Variants in SKAP1 observed in about 807,000 individuals in gnomAD.
The protein encoded by SKAP1 is src kinase associated phosphoprotein 1, also known as src kinase-associated phosphoprotein 1.
Under a neutral mutation model 58.5 loss-of-function variants are expected in SKAP1, and 44 were observed. That is an observed-to-expected ratio of 0.75 (90% CI 0.59 to 0.97). SKAP1 has a LOEUF of 0.97. Ranked by LOEUF, SKAP1 falls within the 50% of genes least tolerant of loss-of-function variation. The pLI, the probability that SKAP1 is intolerant of heterozygous loss-of-function variation, is 0.00. For missense variants in SKAP1, 390 were observed against 435.2 expected (o/e 0.90, Z 0.92); for synonymous variants, 127 against 149.7 (o/e 0.85, Z 1.11).
chr17:48,263,923 G>A (rs894126696), intron 4 of SKAP1, among the ~76,000 whole-genome samples: 1 of 152,142 alleles, frequency 6.6e-6, no homozygotes, highest in African/African-American at 2.4e-5. Flanking sequence ...AGAAAGGAGA[G>A]CAAACGAGAG....
At chr17:48,318,933 C>T (rs578205631) in intron 4 of SKAP1, among the ~76,000 whole-genome samples, 2 of 152,182 alleles carry the variant, frequency 1.3e-5, no homozygotes, top group East Asian at 1.9e-4. Flanking sequence ...TTCAAAGGCT[C>T]GAGAATTCCC....
At chr17:48,197,525 C>A (rs1476697218) in intron 4 of SKAP1, among the ~76,000 whole-genome samples, 1 of 151,836 alleles carries the variant, frequency 6.6e-6, no homozygotes, top group African/African-American at 2.4e-5. Context: ...TCCGTCTCTA[C>A]CAAAAACAAA....
intron 1 of SKAP1, among the ~76,000 whole-genome samples, chr17:48,412,096 AC>A (rs1368800782): frequency 7.2e-5 from 11 of 152,220 alleles, no homozygotes; most frequent in African/African-American, 2.7e-4. Flanking sequence ...GGAACTCTGT[AC>A]TATCTGCTTA....
intron 10 of SKAP1, among the ~76,000 whole-genome samples, chr17:48,167,525 TA>T (rs969202016): frequency 1.3e-5 from 2 of 152,216 alleles, no homozygotes; most frequent in African/African-American, 2.4e-5. Flanking sequence ...TGGCGCGCAC[TA>T]AAGTGAGAAG....
intron 1 of SKAP1, among the ~76,000 whole-genome samples, chr17:48,403,446 T>C (rs1446695504): frequency 6.6e-6 from 1 of 151,640 alleles, no homozygotes; most frequent in Non-Finnish European, 1.5e-5. Context: ...TATATATATG[T>C]ATCAGTGTGT....
chr17:48,286,935 A>G (rs143208120), intron 4 of SKAP1, among the ~76,000 whole-genome samples: 1 of 152,230 alleles, frequency 6.6e-6, no homozygotes, highest in African/African-American at 2.4e-5. Flanking sequence ...GTCTCTACTA[A>G]TAACACAAAA....
At chr17:48,401,407 T>C (rs965612289) in intron 1 of SKAP1, among the ~76,000 whole-genome samples, 1 of 151,926 alleles carries the variant, frequency 6.6e-6, no homozygotes, top group Non-Finnish European at 1.5e-5. Context: ...TAGGAAAATA[T>C]GGTACTGGCA....
intron 4 of SKAP1, among the ~76,000 whole-genome samples, chr17:48,324,245 A>T (rs1386385120): frequency 6.6e-6 from 1 of 151,958 alleles, no homozygotes; most frequent in Admixed American, 6.6e-5. Flanking sequence ...TATCATGAAC[A>T]TTTTCCTATG....
At chr17:48,228,683 C>A (rs1189539532) in intron 4 of SKAP1, among the ~76,000 whole-genome samples, 4 of 152,166 alleles carry the variant, frequency 2.6e-5, no homozygotes, top group Non-Finnish European at 4.4e-5. Context: ...GGCGTTTTCC[C>A]ATTTTATGAA....
chr17:48,225,655 G>T (rs968082287), intron 4 of SKAP1, among the ~76,000 whole-genome samples: 7 of 152,184 alleles, frequency 4.6e-5, no homozygotes, highest in Non-Finnish European at 1.0e-4. Flanking sequence ...TTTTCTGGCT[G>T]CAAGAGTGAC....
intron 4 of SKAP1, among the ~76,000 whole-genome samples, chr17:48,272,035 G>A (rs2065640047): frequency 6.6e-6 from 1 of 152,082 alleles, no homozygotes; most frequent in African/African-American, 2.4e-5. Context: ...CTGGATAGAT[G>A]AATGATAGAT....
chr17:48,388,833 C>G (rs2067310564), intron 2 of SKAP1, among the ~76,000 whole-genome samples: 1 of 152,156 alleles, frequency 6.6e-6, no homozygotes, highest in African/African-American at 2.4e-5. Flanking sequence ...TACCAGTTCT[C>G]TCATCAACAA....
chr17:48,391,542 C>T (rs1393331751), intron 2 of SKAP1, among the ~76,000 whole-genome samples: 1 of 152,186 alleles, frequency 6.6e-6, no homozygotes, highest in Non-Finnish European at 1.5e-5. Flanking sequence ...GAAATCTCAA[C>T]ATTCATCCAC....
chr17:48,428,604 T>C (rs921560567), intron 1 of SKAP1, among the ~76,000 whole-genome samples: 3 of 152,212 alleles, frequency 2.0e-5, no homozygotes, highest in African/African-American at 7.2e-5. Context: ...AAAACTGAAG[T>C]ATAGTTTAAT....
intron 4 of SKAP1, among the ~76,000 whole-genome samples, chr17:48,219,431 C>G (rs776421491): frequency 2.0e-5 from 3 of 152,200 alleles, no homozygotes; most frequent in Non-Finnish European, 2.9e-5. Flanking sequence ...TCTAATATGA[C>G]TGTTTATTGG....
chr17:48,285,792 C>T (rs981320220), intron 4 of SKAP1, among the ~76,000 whole-genome samples: 12 of 152,100 alleles, frequency 7.9e-5, no homozygotes, highest in Admixed American at 3.9e-4. Flanking sequence ...GAATATTGCT[C>T]CTTAATCTGT....
chr17:48,197,137 A>T (rs2064644909), intron 4 of SKAP1, among the ~76,000 whole-genome samples: 1 of 151,992 alleles, frequency 6.6e-6, no homozygotes, highest in South Asian at 2.1e-4. Context: ...GCACACCTGT[A>T]ATCCCAGCTA....
intron 2 of SKAP1, among the ~76,000 whole-genome samples, chr17:48,391,784 CT>C (rs35958466): frequency 0.23 from 29,984 of 130,654 alleles, 3,063 homozygotes; most frequent in African/African-American, 0.31. Context: ...CTACCTCTTC[CT>C]TTTTTTTTTT....
chr17:48,442,471 A>G, the SKAP1 span, among the ~76,000 whole-genome samples: 1 of 152,140 alleles, frequency 6.6e-6, no homozygotes, highest in Admixed American at 6.5e-5. Context: ...CTGAAGCCTT[A>G]GTTCCATCCT....
Sources: gnomAD v4.1 joint callset for allele counts (sites outside exome capture counted in the v4.1 genomes callset) on GRCh38, gnomAD v4.1.1 for gene constraint, MANE v1.5 for transcripts, NCBI Gene and HGNC (gene_info 2026-07-23, HGNC 2026-07-21) for gene names.